The following FBH1 variants were observed in gnomAD, a reference collection of about 807,000 sequenced individuals.
FBH1 encodes F-box DNA helicase 1, also known as DNA 3'-5' helicase 1.
A neutral mutation model predicts 115.5 loss-of-function variants in FBH1; 43 were observed. The ratio of observed to expected loss-of-function variants is 0.37; its 90% CI spans 0.29 to 0.48. The LOEUF (loss-of-function observed/expected upper bound fraction) is 0.48, where lower values mean the gene tolerates loss of function less well. FBH1 is among the 20% of genes least tolerant of loss of function. The pLI is 0.99. For missense variants in FBH1, 1,001 were observed against 1,337.3 expected, an observed-to-expected ratio of 0.75 and a Z score of 3.92; for synonymous variants, 524 against 507.8, an observed-to-expected ratio of 1.03 and a Z score of -0.43.
Position 5,918,427 on chromosome 10 carries a change from G to A in FBH1, c.2049G>A (p.Ala683=), listed in dbSNP as rs766090935. The change falls in exon 13 of 21, where the codon GCG becomes GCA. Residue 683 remains alanine, a synonymous_variant. Coordinates refer to ENST00000362091, the MANE Select transcript of FBH1 (RefSeq NM_178150.3). The surrounding 1 kb of genome is among the most constrained non-coding windows in gnomAD (Gnocchi z 4.0). The stretch of plus-strand genomic sequence containing the variant: ...AGCAGATCTATACCTTCCGGGGTGC[G>A]GTCAACGCCCTGTTCACAGTGCCCC... ...PHQQIYTFRG[A]VNALFTVPHT... 42 of 1,611,952 alleles carry A rather than the reference G, an allele frequency of 2.6e-5. No homozygotes were observed. The highest frequency in any genetic ancestry group is 2.5e-4 in the African/African-American group (19 of 74,700).
In FBH1 at chr10:5,933,769, A is replaced by G. The variant is rs1392815434; in HGVS notation, c.2830-2687A>G. Among the ~76,000 whole-genome samples the G allele has an allele frequency of 6.6e-6, 1 of 151,952 alleles. No homozygotes were observed. The highest frequency in any genetic ancestry group is 1.9e-4 in the East Asian group (1 of 5,188). ...GCTGTTCTCCTGTGTCAGCCTCTCAAGTAGCTGGTAGTACAGGTGTACACC... is the reference window on the plus strand; with the variant it reads ...GCTGTTCTCCTGTGTCAGCCTCTCAGGTAGCTGGTAGTACAGGTGTACACC... On this transcript the variant is annotated intron_variant, in intron 19 of 20. Coordinates refer to ENST00000362091, the MANE Select transcript of FBH1 (RefSeq NM_178150.3). The surrounding 1 kb of genome is among the most constrained non-coding windows in gnomAD (Gnocchi z 4.9).
In FBH1 at chr10:5,937,354, G is replaced by T; in HGVS notation, c.*74G>T. On this transcript the variant is annotated 3_prime_UTR_variant, in exon 21 of 21. Coordinates refer to ENST00000362091, the MANE Select transcript of FBH1 (RefSeq NM_178150.3). ...CGCGTGAAGAAAGCCAGCGAGGGGGGCTTCTGCTCCCTGAGACTCTGGGTT... is the reference window on the plus strand; with the variant it reads ...CGCGTGAAGAAAGCCAGCGAGGGGGTCTTCTGCTCCCTGAGACTCTGGGTT... The T allele has an allele frequency of 2.1e-6, 3 of 1,402,268 alleles. No individual in the cohort carries two copies. The highest frequency in any genetic ancestry group is 1.9e-6 in the Non-Finnish European group (2 of 1,065,862). 86.9% of individuals were successfully genotyped at this position (1,402,268 alleles called of 1,614,324 possible).
chr10:5,915,272 G>A lies in FBH1; in HGVS notation c.1397-131G>A. The A allele has an allele frequency of 1.1e-6, 1 of 891,832 alleles. No individual in the cohort carries two copies. Among genetic ancestry groups the A allele is most frequent in the Non-Finnish European group, 1.7e-6 (1 of 597,706 alleles). 55.2% of individuals were successfully genotyped at this position (891,832 alleles called of 1,614,324 possible). A position where few individuals can be genotyped will look rare whatever the true frequency, so the allele number is the denominator to read the frequency against. ...TCTTTTGGTGGCACTACTTTTACCAGCACTGAAAAACTTGTTACTGTCCTG... is the reference window on the plus strand; with the variant it reads ...TCTTTTGGTGGCACTACTTTTACCAACACTGAAAAACTTGTTACTGTCCTG... On this transcript the variant is annotated intron_variant, in intron 8 of 20. Coordinates refer to ENST00000362091, the MANE Select transcript of FBH1 (RefSeq NM_178150.3). This position sits in a 1 kb window ranked among gnomAD's most constrained non-coding sequence, Gnocchi z 5.2.
At chr10:5,898,465 C>CA (rs201759611) in intron 1 of FBH1, among the ~76,000 whole-genome samples, 14,545 of 151,894 alleles carry the variant, frequency 0.096, 757 homozygotes, top group Middle Eastern at 0.13. Context: ...GGCTGGAGTG[C>CA]AGTGGCACAA....
At chr10:5,894,909 A>G (rs1370002290) in intron 1 of FBH1, 1 of 800,114 alleles carries the variant, frequency 1.2e-6, no homozygotes, top group Non-Finnish European at 2.0e-6. Context: ...ATGCACACTT[A>G]CACAAAGAAT....
chr10:5,922,281 T>G (rs1241087278), intron 15 of FBH1, among the ~76,000 whole-genome samples: 1 of 152,210 alleles, frequency 6.6e-6, no homozygotes, highest in African/African-American at 2.4e-5. Context: ...GAACACATAA[T>G]CCCAGTATTT....
At position 5,932,777 on chromosome 10, in the gene FBH1, G is replaced by C. The variant is rs1297258192; in HGVS notation, c.2830-3679G>C. Among the ~76,000 whole-genome samples, 1 of 152,114 alleles carries C rather than the reference G, an allele frequency of 6.6e-6. No homozygotes were observed. The highest frequency in any genetic ancestry group is 2.4e-5 in the African/African-American group (1 of 41,432). On this transcript the variant is annotated intron_variant, in intron 19 of 20. Coordinates refer to ENST00000362091, the MANE Select transcript of FBH1 (RefSeq NM_178150.3). The surrounding 1 kb of genome is among the most constrained non-coding windows in gnomAD (Gnocchi z 5.9). ...CTGTCACCCAGGCTGGAATATGGCG[G>C]CACAATCTTGGCCCACTGCAACCTC...
At chr10:5,928,062 G>A (rs75394697) in intron 19 of FBH1, among the ~76,000 whole-genome samples, 4,036 of 106,322 alleles carry the variant, frequency 0.038, 124 homozygotes, top group East Asian at 0.18. Flanking sequence ...GACAGAGCGA[G>A]ACTCCATCTC....
rs1843701490 is a variant in FBH1, at chr10:5,906,516, T to G, written c.637T>G (p.Cys213Gly). 3 of 1,614,156 alleles carry G rather than the reference T, an allele frequency of 1.9e-6. No homozygotes were observed. Among genetic ancestry groups the G allele is most frequent in the Non-Finnish European group, 1.7e-6 (2 of 1,180,022 alleles). Residue 213 changes from cysteine to glycine, a missense_variant, in exon 3 of 21, where the codon TGC becomes GGC. Cys to Gly is a radical substitution (Grantham distance 159, BLOSUM62 -3). Coordinates refer to ENST00000362091, the MANE Select transcript of FBH1 (RefSeq NM_178150.3). This position sits in a 1 kb window ranked among gnomAD's most constrained non-coding sequence, Gnocchi z 7.3. The stretch of plus-strand genomic sequence containing the variant: ...CTGCCAGGAAGCACTGAGCCACATT[T>G]GCAGCCTGCCTAGTGAGGTCCTGAG... ...LPCQEALSHI[C>G]SLPSEVLRHV... is the part of the protein sequence containing the mutation.
At position 5,936,427 on chromosome 10, in the gene FBH1, G is replaced by C; in HGVS notation, c.2830-29G>C. On this transcript the variant is annotated intron_variant, in intron 19 of 20. Coordinates refer to ENST00000362091, the MANE Select transcript of FBH1 (RefSeq NM_178150.3). The surrounding 1 kb of genome is among the most constrained non-coding windows in gnomAD (Gnocchi z 5.6). ...TAGACCCTAACGGAGGTGTCGCCATGACTCTCTTTCTCGCTCTTTCTTTCT... is the reference window on the plus strand; with the variant it reads ...TAGACCCTAACGGAGGTGTCGCCATCACTCTCTTTCTCGCTCTTTCTTTCT... 1 of 1,610,142 alleles carries C rather than the reference G, an allele frequency of 6.2e-7. No individual in the cohort carries two copies. The highest frequency in any genetic ancestry group is 8.5e-7 in the Non-Finnish European group (1 of 1,178,112).
intron 1 of FBH1, among the ~76,000 whole-genome samples, chr10:5,902,307 C>T (rs7088087): frequency 0.09 from 13,611 of 151,844 alleles, 644 homozygotes; most frequent in Middle Eastern, 0.13. Flanking sequence ...ATGTTATGTG[C>T]TTTTTACTAC....
Position 5,914,218 on chromosome 10 carries a change from C to G in FBH1, c.1345C>G (p.Leu449Val). ...IQLTHEQQLI[L>V]NHKMEPLQVV... ...ACTTACACATGAACAACAGCTGATTCTGAATCACAAGATGGAACCTCTCCA... is the reference window on the plus strand; with the variant it reads ...ACTTACACATGAACAACAGCTGATTGTGAATCACAAGATGGAACCTCTCCA... Residue 449 changes from leucine to valine, a missense_variant, in exon 8 of 21, where the codon CTG becomes GTG. Physicochemically the swap from Leu to Val is conservative, Grantham distance 32. Transcript: ENST00000362091. This position sits in a 1 kb window ranked among gnomAD's most constrained non-coding sequence, Gnocchi z 5.2. 3 of 1,614,234 alleles carry G rather than the reference C, an allele frequency of 1.9e-6. No individual in the cohort carries two copies. The highest frequency in any genetic ancestry group is 2.5e-6 in the Non-Finnish European group (3 of 1,180,042).
chr10:5,895,875 A>C lies in FBH1; in HGVS notation c.1+5529A>C, dbSNP rs1251921594. Among the ~76,000 whole-genome samples, 1 of 152,228 alleles carries C rather than the reference A, an allele frequency of 6.6e-6. No individual in the cohort carries two copies. The highest frequency in any genetic ancestry group is 2.4e-5 in the African/African-American group (1 of 41,454). On this transcript the variant is annotated intron_variant, in intron 1 of 20. Coordinates refer to ENST00000362091, the MANE Select transcript of FBH1 (RefSeq NM_178150.3). This position sits in a 1 kb window ranked among gnomAD's most constrained non-coding sequence, Gnocchi z 5.0. ...GGCTGGCACCCAGCGGTAAGGCGAC[A>C]TCCACCTGCACGCAGGACTGGGAAG...
At chr10:5,922,133 A>G (rs11815940) in intron 15 of FBH1, among the ~76,000 whole-genome samples, 12,624 of 152,264 alleles carry the variant, frequency 0.083, 1,683 homozygotes, top group African/African-American at 0.29. Flanking sequence ...TCATTCATTT[A>G]TGGAAAGATT....
intron 3 of FBH1, among the ~76,000 whole-genome samples, chr10:5,907,473 T>G (rs1409878333): frequency 2.0e-5 from 2 of 101,068 alleles, no homozygotes; most frequent in African/African-American, 7.4e-5. Flanking sequence ...TTGTTGTTGG[T>G]TTTTTTTTTT....
chr10:5,937,079 C>A, intron 20 of FBH1, 31 bp from the exon 21 acceptor site: 1 of 1,561,264 alleles, frequency 6.4e-7, no homozygotes, highest in South Asian at 1.2e-5. Flanking sequence ...TGGTTGTTCC[C>A]CTTAGCTCTC....
At chr10:5,912,791 A>G (rs1831683301) in intron 6 of FBH1, among the ~76,000 whole-genome samples, 1 of 152,188 alleles carries the variant, frequency 6.6e-6, no homozygotes, top group African/African-American at 2.4e-5. Flanking sequence ...CTACTTCCTT[A>G]TTCCACACAC....
At position 5,921,265 on chromosome 10, in the gene FBH1, G is replaced by T; in HGVS notation, c.2108G>T (p.Arg703Leu). ...THVFYLTQSFRFGVEIAYVGA... is the reference protein window; with the variant it reads ...THVFYLTQSFLFGVEIAYVGA... ...CTGTCTTGTTGTTTTCAGAGTTTTC[G>T]GTTTGGTGTGGAAATAGCTTATGTG... Residue 703 changes from arginine to leucine, a missense_variant, in exon 14 of 21, where the codon CGG becomes CTG. Around this residue, in one of 4 missense-constraint regions of FBH1, gnomAD observed 521 missense variants for 811.0 expected, o/e 0.64. Coordinates refer to ENST00000362091, the MANE Select transcript of FBH1 (RefSeq NM_178150.3). This position sits in a 1 kb window ranked among gnomAD's most constrained non-coding sequence, Gnocchi z 6.4. 1 of 1,614,070 alleles carries T rather than the reference G, an allele frequency of 6.2e-7. No individual in the cohort carries two copies. Among genetic ancestry groups the T allele is most frequent in the Non-Finnish European group, 8.5e-7 (1 of 1,179,976 alleles).
chr10:5,934,112 G>A (rs1833154204), intron 19 of FBH1, among the ~76,000 whole-genome samples: 1 of 152,192 alleles, frequency 6.6e-6, no homozygotes, highest in African/African-American at 2.4e-5. Context: ...AAAAATAGTG[G>A]AGCCACGGAC....
Sources: gnomAD v4.1 joint callset for allele counts (sites outside exome capture counted in the v4.1 genomes callset) on GRCh38, gnomAD v4.1.1 for gene constraint, gnomAD v4.1.1 regional missense constraint, Gnocchi (gnomAD v3.1) non-coding constraint, MANE v1.5 for transcripts, NCBI Gene and HGNC (gene_info 2026-07-23, HGNC 2026-07-21) for gene names.